SAMD4A: variants seen among roughly 807,000 people sequenced by gnomAD.
SAMD4A encodes the protein sterile alpha motif domain containing 4A.
In SAMD4A, 33 loss-of-function variants were observed where a neutral mutation model predicts 81.3. The observed-to-expected ratio is 0.41, with a 90% CI of 0.31 to 0.54. The LOEUF (loss-of-function observed/expected upper bound fraction) is 0.54. Ranked by LOEUF, SAMD4A falls within the 20% of genes least tolerant of loss-of-function variation. SAMD4A has a pLI of 0.37. For missense variants in SAMD4A, 854 were observed against 951.1 expected (o/e 0.90, Z 1.34); for synonymous variants, 389 against 382.1 (o/e 1.02, Z -0.21).
At chr14:54,696,791 T>A (rs147951566) in intron 2 of SAMD4A, 3 of 152,360 alleles carry the variant, frequency 2.0e-5, no homozygotes, top group African/African-American at 7.2e-5. Flanking sequence ...TTAACTTTTA[T>A]CCACATTAAA....
chr14:54,745,928 G>T (rs1046325960), intron 4 of SAMD4A, among the ~76,000 whole-genome samples: 1 of 152,226 alleles, frequency 6.6e-6, no homozygotes, highest in Non-Finnish European at 1.5e-5. Context: ...GAATGTAAAA[G>T]GTAGATGGGA....
At chr14:54,668,647 A>G (rs557200125) in intron 2 of SAMD4A, 27 of 152,338 alleles carry the variant, frequency 1.8e-4, no homozygotes, top group Non-Finnish European at 2.8e-4. Context: ...TGTAGAAACC[A>G]AGGAAAAGAA....
intron 8 of SAMD4A, among the ~76,000 whole-genome samples, chr14:54,767,321 G>A (rs1401538595): frequency 1.3e-5 from 2 of 152,164 alleles, no homozygotes; most frequent in Non-Finnish European, 2.9e-5. Flanking sequence ...TAGCTGGCTG[G>A]GAGCAGGGAA....
intron 2 of SAMD4A, among the ~76,000 whole-genome samples, chr14:54,672,952 G>A (rs1472303495): frequency 2.0e-5 from 3 of 152,254 alleles, no homozygotes; most frequent in African/African-American, 7.2e-5. Context: ...ACATTTTGCC[G>A]GCATTAGAGA....
intron 2 of SAMD4A, among the ~76,000 whole-genome samples, chr14:54,617,943 TTTTAGG>T: frequency 6.6e-6 from 1 of 152,372 alleles, no homozygotes; most frequent in South Asian, 2.1e-4. Flanking sequence ...AGATGATGCC[TTTTAGG>T]CCTGGCCCTG....
intron 11 of SAMD4A, among the ~76,000 whole-genome samples, chr14:54,778,852 G>A (rs1566636396): frequency 1.3e-5 from 2 of 152,190 alleles, no homozygotes; most frequent in East Asian, 3.9e-4. Flanking sequence ...ATAGGGCAGG[G>A]CCTGGCCAGG....
chr14:54,775,068 G>C lies in SAMD4A; in HGVS notation c.1850G>C (p.Ser617Thr), dbSNP rs775184869. The change falls in exon 10 of 13, where the codon AGT (serine) becomes ACT (threonine). Residue 617 changes from serine (S) to threonine (T), a missense_variant. Transcript: ENST00000554335. ...PSARLGLLGT[S>T]GFVSSNQRNT... Reference sequence around the variant, plus strand: ...GCCCGCCTGGGCCTCTTGGGCACCAGTGGATTCGTCAGCTCCAACCAGCGC... The same window carrying C: ...GCCCGCCTGGGCCTCTTGGGCACCACTGGATTCGTCAGCTCCAACCAGCGC... The C allele has an allele frequency of 2.5e-6, 4 of 1,614,204 alleles. No homozygotes were observed. In the South Asian group the frequency reaches 4.4e-5, roughly 18 times the overall value.
intron 2 of SAMD4A, among the ~76,000 whole-genome samples, chr14:54,596,456 G>A (rs557533570): frequency 1.4e-4 from 21 of 152,224 alleles, no homozygotes; most frequent in Admixed American, 1.0e-3. Flanking sequence ...ATGGTGGTGC[G>A]TGCCTGTAAT....
chr14:54,679,953 C>T (rs1349214636), intron 2 of SAMD4A, among the ~76,000 whole-genome samples: 2 of 152,196 alleles, frequency 1.3e-5, no homozygotes, highest in African/African-American at 2.4e-5. Context: ...GGATAGTGAC[C>T]TCGAGGATTT....
At chr14:54,714,256 C>T (rs960013205) in intron 3 of SAMD4A, among the ~76,000 whole-genome samples, 28 of 152,148 alleles carry the variant, frequency 1.8e-4, no homozygotes, top group Non-Finnish European at 4.4e-5. Context: ...TTTGCAAAAA[C>T]ATCAGAGCAT....
intron 3 of SAMD4A, among the ~76,000 whole-genome samples, chr14:54,721,821 G>T (rs1318090733): frequency 6.6e-6 from 1 of 152,140 alleles, no homozygotes; most frequent in Non-Finnish European, 1.5e-5. Flanking sequence ...AAGAGATTCT[G>T]CTGTTCTGCT....
intron 2 of SAMD4A, among the ~76,000 whole-genome samples, chr14:54,585,124 GA>G (rs1223112693): frequency 6.6e-6 from 1 of 151,976 alleles, no homozygotes; most frequent in Admixed American, 6.6e-5. Flanking sequence ...GCCATTTGGT[GA>G]AAAAAATATC....
chr14:54,672,703 A>G (rs1192506834), intron 2 of SAMD4A, among the ~76,000 whole-genome samples: 1 of 152,256 alleles, frequency 6.6e-6, no homozygotes, highest in Non-Finnish European at 1.5e-5. Flanking sequence ...CTAAGACCAC[A>G]TGTAAGTCAT....
chr14:54,755,247 A>G (rs1290036583), intron 6 of SAMD4A, among the ~76,000 whole-genome samples: 4 of 152,166 alleles, frequency 2.6e-5, no homozygotes. Flanking sequence ...GACAGAAAAG[A>G]TAGGAGAAGT....
chr14:54,783,960 A>C (rs2039068412), intron 11 of SAMD4A, among the ~76,000 whole-genome samples: 1 of 152,190 alleles, frequency 6.6e-6, no homozygotes, highest in South Asian at 2.1e-4. Flanking sequence ...CAAATATCAA[A>C]TATGACAGCT....
intron 3 of SAMD4A, among the ~76,000 whole-genome samples, chr14:54,713,229 C>G (rs966086181): frequency 6.6e-6 from 1 of 152,102 alleles, no homozygotes; most frequent in East Asian, 1.9e-4. Flanking sequence ...TTGAATTTCA[C>G]GGTCTTAGGT....
chr14:54,681,285 A>G (rs1488485759), intron 2 of SAMD4A, among the ~76,000 whole-genome samples: 1 of 150,860 alleles, frequency 6.6e-6, no homozygotes, highest in African/African-American at 2.4e-5. Context: ...GATAATGTTT[A>G]GAAAGAGATC....
chr14:54,768,332 G>A (rs7158665), intron 8 of SAMD4A, among the ~76,000 whole-genome samples: 61,265 of 152,116 alleles, frequency 0.4, 14,317 homozygotes, highest in East Asian at 0.66. Flanking sequence ...AGCGAGGCAC[G>A]TTCCAGGTAT....
chr14:54,597,623 C>T (rs1464195346), intron 2 of SAMD4A, among the ~76,000 whole-genome samples: 2 of 142,990 alleles, frequency 1.4e-5, no homozygotes, highest in Admixed American at 7.1e-5. Context: ...AGAGTTTCAC[C>T]CTGTTGCCCA....
Sources: gnomAD v4.1 joint callset for allele counts (sites outside exome capture counted in the v4.1 genomes callset) on GRCh38, gnomAD v4.1.1 for gene constraint, MANE v1.5 for transcripts, NCBI Gene and HGNC (gene_info 2026-07-23, HGNC 2026-07-21) for gene names.